The following TMEM232 variants were observed in gnomAD, a reference collection of about 807,000 sequenced individuals.
TMEM232 encodes transmembrane protein 232.
A neutral mutation model predicts 78.8 loss-of-function variants in TMEM232; 80 were observed. The ratio of observed to expected loss-of-function variants is 1.01; its 90% CI spans 0.85 to 1.22. TMEM232 has a LOEUF of 1.22. Among genes scored for constraint, TMEM232 ranks in the 50% most tolerant of loss-of-function variants. The pLI, the probability that TMEM232 is intolerant of heterozygous loss-of-function variation, is 0.00. For missense variants in TMEM232, 881 were observed against 742.2 expected, an observed-to-expected ratio of 1.19 and a Z score of -2.17; for synonymous variants, 297 against 254.3, an observed-to-expected ratio of 1.17 and a Z score of -1.60.
intron 5 of TMEM232, 48 bp from the exon 6 acceptor site, chr5:110,627,928 T>C (rs1784626180): frequency 7.9e-7 from 1 of 1,261,616 alleles, no homozygotes; most frequent in East Asian, 2.6e-5. Flanking sequence ...CATCAATAAA[T>C]GTTTAAAAAC....
At chr5:110,527,084 G>A (rs1157018989) in intron 12 of TMEM232, among the ~76,000 whole-genome samples, 7 of 151,812 alleles carry the variant, frequency 4.6e-5, no homozygotes, top group Non-Finnish European at 7.4e-5. Context: ...TGTTATTACC[G>A]AGGATAGGGA....
intron 1 of TMEM232, among the ~76,000 whole-genome samples, chr5:110,710,380 T>C (rs138885862): frequency 2.2e-4 from 33 of 152,188 alleles, no homozygotes; most frequent in Non-Finnish European, 4.3e-4. Flanking sequence ...AAGGAATATC[T>C]CTAAACTCAT....
chr5:110,581,364 A>C (rs930425797), intron 10 of TMEM232, among the ~76,000 whole-genome samples: 3 of 152,010 alleles, frequency 2.0e-5, no homozygotes, highest in African/African-American at 7.2e-5. Flanking sequence ...ATGAAGCCAC[A>C]TACTTACAAC....
intron 12 of TMEM232, among the ~76,000 whole-genome samples, chr5:110,458,924 G>T (rs73220733): frequency 0.13 from 20,031 of 151,928 alleles, 3,307 homozygotes; most frequent in African/African-American, 0.39. Context: ...ACATTATAGT[G>T]GTATTCTACT....
chr5:110,423,216 A>G (rs1756863771), intron 13 of TMEM232, among the ~76,000 whole-genome samples: 1 of 152,186 alleles, frequency 6.6e-6, no homozygotes, highest in South Asian at 2.1e-4. Flanking sequence ...CAGCTATGAA[A>G]AAGTGGAAGG....
intron 7 of TMEM232, among the ~76,000 whole-genome samples, chr5:110,623,218 A>C (rs1394742083): frequency 6.7e-6 from 1 of 149,958 alleles, no homozygotes; most frequent in Non-Finnish European, 1.5e-5. Context: ...TCCTATTCTT[A>C]AGTGGAACCC....
chr5:110,729,359 A>G (rs1798457015), upstream of TMEM232, among the ~76,000 whole-genome samples: 1 of 152,092 alleles, frequency 6.6e-6, no homozygotes, highest in Non-Finnish European at 1.5e-5. Context: ...AACTCACACA[A>G]ACGCATACCA....
chr5:110,422,708 C>A (rs1000436847), intron 13 of TMEM232, among the ~76,000 whole-genome samples: 2 of 151,980 alleles, frequency 1.3e-5, no homozygotes, highest in Non-Finnish European at 2.9e-5. Flanking sequence ...CCTCTTTCCC[C>A]CTTCTTAGAA....
chr5:110,578,123 A>C (rs974372830), intron 10 of TMEM232, among the ~76,000 whole-genome samples: 1 of 152,038 alleles, frequency 6.6e-6, no homozygotes, highest in Admixed American at 6.6e-5. Flanking sequence ...CTGGAAACCA[A>C]GGATAAAAGT....
At chr5:110,580,296 C>T (rs970908608) in intron 10 of TMEM232, among the ~76,000 whole-genome samples, 2 of 151,524 alleles carry the variant, frequency 1.3e-5, no homozygotes, top group African/African-American at 4.8e-5. Flanking sequence ...TGTTGTAGTG[C>T]AATGCATTAC....
chr5:110,435,364 G>GTA, intron 12 of TMEM232, among the ~76,000 whole-genome samples: 1 of 151,462 alleles, frequency 6.6e-6, no homozygotes, highest in Middle Eastern at 3.4e-3. Flanking sequence ...TATATACTAG[G>GTA]TATATATACC....
intron 12 of TMEM232, among the ~76,000 whole-genome samples, chr5:110,527,096 G>A (rs1770715457): frequency 1.3e-5 from 2 of 151,808 alleles, no homozygotes; most frequent in Admixed American, 6.6e-5. Context: ...GGATAGGGAG[G>A]GATGGGGGGT....
intron 1 of TMEM232, among the ~76,000 whole-genome samples, chr5:110,737,827 C>T (rs1201647494): frequency 1.3e-5 from 2 of 152,230 alleles, no homozygotes; most frequent in African/African-American, 4.8e-5. Flanking sequence ...TTAAAATTTA[C>T]TATATGGACA....
intron 1 of TMEM232, among the ~76,000 whole-genome samples, chr5:110,703,493 CG>C (rs1465755509): frequency 1.2e-4 from 19 of 152,140 alleles, no homozygotes; most frequent in African/African-American, 4.6e-4. Context: ...AGCCTTTTCA[CG>C]GATCTCAAGG....
chr5:110,732,086 G>T (rs1223648582), intron 2 of TMEM232, among the ~76,000 whole-genome samples: 1 of 152,118 alleles, frequency 6.6e-6, no homozygotes, highest in Non-Finnish European at 1.5e-5. Flanking sequence ...AAGGCAAAAT[G>T]CCACTAGTCT....
intron 11 of TMEM232, among the ~76,000 whole-genome samples, chr5:110,553,412 T>G (rs1301478082): frequency 1.3e-5 from 2 of 152,186 alleles, no homozygotes; most frequent in African/African-American, 4.8e-5. Flanking sequence ...TCAGCAGTCT[T>G]TTGTAATTCT....
intron 11 of TMEM232, among the ~76,000 whole-genome samples, chr5:110,547,261 A>T (rs11956794): frequency 0.019 from 2,957 of 152,294 alleles, 88 homozygotes; most frequent in African/African-American, 0.068. Context: ...GCTTTAAAAA[A>T]TGTAAATAGA....
chr5:110,570,120 G>A (rs1776771932), intron 10 of TMEM232, among the ~76,000 whole-genome samples: 1 of 151,882 alleles, frequency 6.6e-6, no homozygotes, highest in South Asian at 2.1e-4. Flanking sequence ...TCTATTATTG[G>A]AACTTTAGGA....
intron 5 of TMEM232, among the ~76,000 whole-genome samples, chr5:110,629,689 T>C (rs754109354): frequency 1.4e-4 from 21 of 152,138 alleles, no homozygotes; most frequent in Non-Finnish European, 2.4e-4. Flanking sequence ...GGCTGTAAAA[T>C]TGAAGGCTGG....
Sources: allele counts gnomAD v4.1 joint callset (sites outside exome capture counted in the v4.1 genomes callset), GRCh38; gene constraint gnomAD v4.1.1; transcripts MANE v1.5; gene names NCBI Gene and HGNC (gene_info 2026-07-23, HGNC 2026-07-21).